The following PRKCA variants were observed in gnomAD, a reference collection of about 807,000 sequenced individuals.
PRKCA encodes protein kinase C alpha.
Under a neutral mutation model 87.0 loss-of-function variants are expected in PRKCA, and 27 were observed. That is an observed-to-expected ratio of 0.31 (90% CI 0.23 to 0.43). The LOEUF (loss-of-function observed/expected upper bound fraction) is 0.43. PRKCA is among the 20% of genes least tolerant of loss of function. The pLI, the probability that PRKCA is intolerant of heterozygous loss-of-function variation, is 1.00. For synonymous variants in PRKCA, 329 were observed against 311.1 expected (o/e 1.06, Z -0.61); for missense variants, 518 against 852.3 (o/e 0.61, Z 4.88).
chr17:66,483,470 T>C (rs1020863121), intron 2 of PRKCA, among the ~76,000 whole-genome samples: 7 of 151,824 alleles, frequency 4.6e-5, no homozygotes, highest in Non-Finnish European at 7.4e-5. Flanking sequence ...TATTTTATTT[T>C]ATTTTATTTT....
At chr17:66,365,630 C>T (rs995086239) in intron 2 of PRKCA, among the ~76,000 whole-genome samples, 3 of 152,038 alleles carry the variant, frequency 2.0e-5, no homozygotes, top group African/African-American at 7.2e-5. Context: ...GGAATAAGTC[C>T]TGTGTAATCC....
chr17:66,313,386 G>T (rs1905166599), intron 2 of PRKCA, among the ~76,000 whole-genome samples: 1 of 152,134 alleles, frequency 6.6e-6, no homozygotes, highest in Admixed American at 6.5e-5. Context: ...AAAAGAGGGA[G>T]CAGAAAATTC....
intron 2 of PRKCA, among the ~76,000 whole-genome samples, chr17:66,388,991 A>G (rs938468814): frequency 6.6e-6 from 1 of 152,200 alleles, no homozygotes; most frequent in Non-Finnish European, 1.5e-5. Context: ...GCTGTGGGAA[A>G]TCGTGAATTC....
At chr17:66,341,286 G>A (rs1172279640) in intron 2 of PRKCA, among the ~76,000 whole-genome samples, 3 of 152,110 alleles carry the variant, frequency 2.0e-5, no homozygotes, top group South Asian at 2.1e-4. Flanking sequence ...TATTAAGTAA[G>A]CTCTTCAAAA....
intron 13 of PRKCA, among the ~76,000 whole-genome samples, chr17:66,749,447 C>G (rs1974381584): frequency 6.6e-6 from 1 of 152,152 alleles, no homozygotes; most frequent in South Asian, 2.1e-4. Context: ...CTTGGGGAGG[C>G]CCCCTGCCCT....
At chr17:66,678,579 T>G (rs542112164) in intron 5 of PRKCA, among the ~76,000 whole-genome samples, 1 of 152,082 alleles carries the variant, frequency 6.6e-6, no homozygotes, top group East Asian at 1.9e-4. Flanking sequence ...CAACAGGCAT[T>G]CATCTGGCAG....
intron 3 of PRKCA, among the ~76,000 whole-genome samples, chr17:66,580,245 A>G (rs1026634997): frequency 1.3e-5 from 2 of 152,174 alleles, no homozygotes; most frequent in African/African-American, 4.8e-5. Flanking sequence ...CCATTTCCTT[A>G]TTAGCCTGAG....
At chr17:66,634,222 G>T (rs1971094953) in intron 3 of PRKCA, among the ~76,000 whole-genome samples, 1 of 152,140 alleles carries the variant, frequency 6.6e-6, no homozygotes, top group Non-Finnish European at 1.5e-5. Context: ...TTCCTAAGAG[G>T]TTTAGATTTA....
chr17:66,694,161 C>T (rs1342925338), intron 8 of PRKCA, among the ~76,000 whole-genome samples: 2 of 152,016 alleles, frequency 1.3e-5, no homozygotes, highest in African/African-American at 2.4e-5. Context: ...TGTTGGGTCC[C>T]GATTACAAAC....
At chr17:66,313,458 A>G (rs1905169278) in intron 2 of PRKCA, among the ~76,000 whole-genome samples, 1 of 152,260 alleles carries the variant, frequency 6.6e-6, no homozygotes, top group Non-Finnish European at 1.5e-5. Flanking sequence ...TTAACACTGC[A>G]GAAATAAACC....
chr17:66,640,285 C>T (rs1157750463), intron 3 of PRKCA, among the ~76,000 whole-genome samples: 4 of 152,170 alleles, frequency 2.6e-5, no homozygotes, highest in Admixed American at 2.0e-4. Context: ...CCAGAATCTA[C>T]GCTCTTTAAC....
At chr17:66,493,211 A>G (rs1009522378) in intron 2 of PRKCA, among the ~76,000 whole-genome samples, 1 of 152,010 alleles carries the variant, frequency 6.6e-6, no homozygotes, top group African/African-American at 2.4e-5. Flanking sequence ...AAAAAGAATT[A>G]TCCATGATTC....
At chr17:66,448,893 T>C (rs1009598139) in intron 2 of PRKCA, among the ~76,000 whole-genome samples, 2 of 151,940 alleles carry the variant, frequency 1.3e-5, no homozygotes, top group Non-Finnish European at 2.9e-5. Context: ...TTTAAACTTA[T>C]TGAATCTGTC....
At chr17:66,616,314 G>A (rs1481741603) in intron 3 of PRKCA, among the ~76,000 whole-genome samples, 1 of 152,124 alleles carries the variant, frequency 6.6e-6, no homozygotes, top group East Asian at 1.9e-4. Flanking sequence ...AAAGAACATT[G>A]TCCATTCAAC....
At chr17:66,508,216 G>A (rs1205569102) in intron 3 of PRKCA, among the ~76,000 whole-genome samples, 1 of 152,190 alleles carries the variant, frequency 6.6e-6, no homozygotes, top group Admixed American at 6.5e-5. Flanking sequence ...AGAGTCACAT[G>A]GACAGTGGGA....
chr17:66,740,482 A>G (rs1222593046), intron 11 of PRKCA, among the ~76,000 whole-genome samples: 1 of 152,178 alleles, frequency 6.6e-6, no homozygotes, highest in African/African-American at 2.4e-5. Flanking sequence ...TAAGAGACAC[A>G]TTGGAAGAAT....
At chr17:66,516,358 C>T (rs192881132) in intron 3 of PRKCA, among the ~76,000 whole-genome samples, 16 of 152,136 alleles carry the variant, frequency 1.1e-4, no homozygotes, top group Admixed American at 3.3e-4. Context: ...TAAGGCTGGG[C>T]GTGGTGGCTC....
chr17:66,673,023 A>T (rs541250654), intron 5 of PRKCA, among the ~76,000 whole-genome samples: 1 of 152,192 alleles, frequency 6.6e-6, no homozygotes, highest in East Asian at 1.9e-4. Context: ...TAAGAAAAAA[A>T]TTTTCTTAAA....
At position 66,302,835 on chromosome 17, in the gene PRKCA, G is replaced by C; in HGVS notation, c.-17G>C. 2 of 1,558,408 alleles carry C rather than the reference G, an allele frequency of 1.3e-6. No individual in the cohort carries two copies. The highest frequency in any genetic ancestry group is 8.7e-7 in the Non-Finnish European group (1 of 1,152,802). On this transcript the variant is annotated 5_prime_UTR_variant, in exon 1 of 17. Transcript: ENST00000413366. ...CCGCAGCTCCCCGGCGGAGGCAAGA[G>C]GTGGTTGGGGGGGACCATGGCTGAC...
Sources: allele counts gnomAD v4.1 joint callset (sites outside exome capture counted in the v4.1 genomes callset), GRCh38; gene constraint gnomAD v4.1.1; transcripts MANE v1.5; gene names NCBI Gene and HGNC (gene_info 2026-07-23, HGNC 2026-07-21).